The following RIMS1 variants were observed in gnomAD, a reference collection of about 807,000 sequenced individuals.
The protein encoded by RIMS1 is regulating synaptic membrane exocytosis 1.
RIMS1 carries 83 observed loss-of-function variants against 214.1 expected under a neutral mutation model. The observed-to-expected ratio is 0.39, with a 90% CI of 0.32 to 0.47. The LOEUF (loss-of-function observed/expected upper bound fraction) is 0.47, where lower values mean the gene tolerates loss of function less well. RIMS1 is among the 20% of genes least tolerant of loss of function. The probability of loss-of-function intolerance (pLI) is 0.99; values close to 1 mark genes in which losing one functional copy is unlikely to be tolerated. For synonymous variants in RIMS1, 793 were observed against 786.8 expected (o/e 1.01, Z -0.13); for missense variants, 2,050 against 2,161.8 (o/e 0.95, Z 1.03).
intron 1 of RIMS1, among the ~76,000 whole-genome samples, chr6:71,929,853 T>C (rs1782550825): frequency 6.6e-6 from 1 of 152,040 alleles, no homozygotes; most frequent in South Asian, 2.1e-4. Flanking sequence ...CAGGACTCTG[T>C]AAAACTTGGT....
At chr6:72,175,563 C>T (rs549868575) in intron 4 of RIMS1, among the ~76,000 whole-genome samples, 1 of 152,006 alleles carries the variant, frequency 6.6e-6, no homozygotes, top group Admixed American at 6.6e-5. Context: ...ATCTCAGCTA[C>T]TCGGGAGGCT....
intron 4 of RIMS1, among the ~76,000 whole-genome samples, chr6:72,100,955 A>G (rs918824025): frequency 2.0e-5 from 3 of 151,880 alleles, no homozygotes; most frequent in Non-Finnish European, 2.9e-5. Flanking sequence ...AGGATAATCT[A>G]TTTTTGGTAT....
At chr6:72,278,743 A>G (rs1662185743) in intron 23 of RIMS1, among the ~76,000 whole-genome samples, 1 of 152,050 alleles carries the variant, frequency 6.6e-6, no homozygotes, top group Non-Finnish European at 1.5e-5. Context: ...CATAAATATC[A>G]ATAATATACA....
chr6:72,271,286 A>AAAAAAAATATATATATAT (rs1417580438), intron 22 of RIMS1, among the ~76,000 whole-genome samples: 1 of 44,424 alleles, frequency 2.3e-5, no homozygotes, highest in Non-Finnish European at 3.7e-5. Flanking sequence ...AAAAAAAAAA[A>AAAAAAAATATATATATAT]ATATATATAT....
chr6:72,242,305 A>T lies in RIMS1; in HGVS notation c.1958-9A>T, dbSNP rs774556384. 1.3e-6 allele frequency: 2 copies of T among 1,540,192 alleles called. No homozygotes were observed. The highest frequency in any genetic ancestry group is 2.4e-5 in the South Asian group (2 of 81,814). On this transcript the variant is annotated splice_polypyrimidine_tract_variant and intron_variant, in intron 9 of 33. Coordinates refer to ENST00000521978, the MANE Select transcript of RIMS1 (RefSeq NM_014989.7). ...AAGGTAAAAAAATACCCTTTTTTTT[A>T]AATTCAAGGGGATGAAGTTCTAGAA...
chr6:72,090,762 T>G (rs923583216), intron 2 of RIMS1, among the ~76,000 whole-genome samples: 3 of 152,198 alleles, frequency 2.0e-5, no homozygotes, highest in Non-Finnish European at 4.4e-5. Flanking sequence ...AGTCAAGAAC[T>G]GTGAATTTAT....
At position 72,198,809 on chromosome 6, in the gene RIMS1, C is replaced by G. The variant is rs189638488; in HGVS notation, c.1678+15660C>G. 9.9e-4 allele frequency among the ~76,000 whole-genome samples: 150 copies of G among 151,908 alleles called. 2 individuals are homozygous for G. The highest frequency in any genetic ancestry group is 3.4e-3 in the African/African-American group (141 of 41,494). On this transcript the variant is annotated intron_variant, in intron 6 of 33. Transcript: ENST00000521978. ...AATATTATGTGTTAATAAAAATATACAGAATCAATTATGAGCAAAGTAATT... is the reference window on the plus strand; with the variant it reads ...AATATTATGTGTTAATAAAAATATAGAGAATCAATTATGAGCAAAGTAATT...
intron 2 of RIMS1, among the ~76,000 whole-genome samples, chr6:71,972,282 A>G (rs1045528291): frequency 2.6e-5 from 4 of 152,182 alleles, no homozygotes; most frequent in African/African-American, 9.7e-5. Context: ...TTACCATAGC[A>G]TTTTCAATAT....
intron 6 of RIMS1, 108 bp from the exon 7 acceptor site, chr6:72,233,665 T>C (rs1037821139): frequency 2.4e-6 from 2 of 832,500 alleles, no homozygotes; most frequent in Admixed American, 2.0e-5. Context: ...ATGTACACGC[T>C]CAAGCTTATG....
intron 6 of RIMS1, among the ~76,000 whole-genome samples, chr6:72,225,011 G>A (rs2059758882): frequency 6.6e-6 from 1 of 152,128 alleles, no homozygotes. Context: ...ATTTTCCACT[G>A]CCAGTCAAAG....
intron 28 of RIMS1, among the ~76,000 whole-genome samples, chr6:72,323,504 G>A (rs2096279628): frequency 6.6e-6 from 1 of 151,780 alleles, no homozygotes; most frequent in Admixed American, 6.6e-5. Flanking sequence ...GTAAAACCAA[G>A]GATTAATGAA....
At chr6:72,287,138 C>T (rs751774997) in intron 24 of RIMS1, among the ~76,000 whole-genome samples, 8 of 152,130 alleles carry the variant, frequency 5.3e-5, no homozygotes, top group Non-Finnish European at 1.2e-4. Flanking sequence ...AAACTACACT[C>T]TACATTCTAA....
chr6:72,230,883 A>G (rs1426516092), intron 6 of RIMS1, among the ~76,000 whole-genome samples: 1 of 151,568 alleles, frequency 6.6e-6, no homozygotes, highest in South Asian at 2.1e-4. Context: ...AGACATTTCC[A>G]TAGACACAAG....
intron 1 of RIMS1, among the ~76,000 whole-genome samples, chr6:71,925,885 T>G (rs916044190): frequency 8.5e-5 from 13 of 152,328 alleles, no homozygotes; most frequent in African/African-American, 2.9e-4. Flanking sequence ...CCCTGTGGAT[T>G]TTTTTACAAG....
intron 4 of RIMS1, among the ~76,000 whole-genome samples, chr6:72,132,763 A>C (rs1220920447): frequency 6.6e-6 from 1 of 152,216 alleles, no homozygotes; most frequent in African/African-American, 2.4e-5. Flanking sequence ...AACATCTTAT[A>C]CTATCATATT....
At position 72,390,614 on chromosome 6, in the gene RIMS1, G is replaced by C. The variant is rs2098687727; in HGVS notation, c.4383G>C (p.Lys1461Asn). The C allele has an allele frequency of 6.2e-7, 1 of 1,613,438 alleles. No individual in the cohort carries two copies. Among genetic ancestry groups the C allele is most frequent in the Middle Eastern group, 1.6e-4 (1 of 6,062 alleles). The change falls in exon 30 of 34, where the codon AAG (lysine) becomes AAC (asparagine). Residue 1461 changes from lysine to asparagine, a missense_variant. By Grantham distance (94) the Lys-to-Asn change is moderately conservative. Coordinates refer to ENST00000521978, the MANE Select transcript of RIMS1 (RefSeq NM_014989.7). Reference protein sequence around the residue: ...QLSQTESGHKKLKSTIQRSTE... With the variant: ...QLSQTESGHKNLKSTIQRSTE... ...TCCTGTCAGAGTCGGGCCACAAAAAGTTAAAAAGTACCATCCAGAGAAGCA... is the reference window on the plus strand; with the variant it reads ...TCCTGTCAGAGTCGGGCCACAAAAACTTAAAAAGTACCATCCAGAGAAGCA...
At chr6:71,897,259 T>G (rs1282719479) in intron 1 of RIMS1, among the ~76,000 whole-genome samples, 1 of 152,180 alleles carries the variant, frequency 6.6e-6, no homozygotes, top group Non-Finnish European at 1.5e-5. Context: ...AGGAACCTCT[T>G]GATTCATTTT....
intron 31 of RIMS1, among the ~76,000 whole-genome samples, chr6:72,396,296 G>T (rs1026993102): frequency 6.6e-6 from 1 of 152,216 alleles, no homozygotes; most frequent in Non-Finnish European, 1.5e-5. Flanking sequence ...ATGTGTGTGT[G>T]TATTTGTGTA....
chr6:72,097,629 A>G (rs1412473696), intron 3 of RIMS1, among the ~76,000 whole-genome samples: 1 of 152,224 alleles, frequency 6.6e-6, no homozygotes, highest in East Asian at 1.9e-4. Context: ...ATTCAGATTT[A>G]CTGATATGTT....
Sources: allele counts gnomAD v4.1 joint callset (sites outside exome capture counted in the v4.1 genomes callset), GRCh38; gene constraint gnomAD v4.1.1; transcripts MANE v1.5; gene names NCBI Gene and HGNC (gene_info 2026-07-23, HGNC 2026-07-21).